Variants in LGR4 observed in about 807,000 individuals in gnomAD.
LGR4 encodes leucine rich repeat containing G protein-coupled receptor 4.
A neutral mutation model predicts 84.8 loss-of-function variants in LGR4; 44 were observed. The ratio of observed to expected loss-of-function variants is 0.52; its 90% CI spans 0.41 to 0.67. The LOEUF is 0.67. Among genes scored for constraint, LGR4 ranks in the 30% least tolerant of loss-of-function variants. The pLI, the probability that LGR4 is intolerant of heterozygous loss-of-function variation, is 0.00. For synonymous variants in LGR4, 429 were observed against 434.3 expected (o/e 0.99, Z 0.15); for missense variants, 1,032 against 1,131.4 (o/e 0.91, Z 1.26).
chr11:27,463,387 T>G (rs944757566), intron 1 of LGR4, among the ~76,000 whole-genome samples: 1 of 152,144 alleles, frequency 6.6e-6, no homozygotes, highest in African/African-American at 2.4e-5. Flanking sequence ...GTTTAAAAAC[T>G]AATCAAATGA....
intron 7 of LGR4, among the ~76,000 whole-genome samples, chr11:27,381,780 A>C (rs2061208129): frequency 6.6e-6 from 1 of 152,164 alleles, no homozygotes; most frequent in African/African-American, 2.4e-5. Flanking sequence ...AGTCTGGTCA[A>C]ACTCCTTCCT....
intron 1 of LGR4, among the ~76,000 whole-genome samples, chr11:27,426,913 G>A (rs909126335): frequency 6.6e-6 from 1 of 152,156 alleles, no homozygotes. Flanking sequence ...AATTTCCCCA[G>A]AAACAATGGT....
At chr11:27,372,154 C>T (rs1359741870) in intron 16 of LGR4, 129 bp downstream of exon 16, 6 of 679,978 alleles carry the variant, frequency 8.8e-6, no homozygotes, top group Non-Finnish European at 1.0e-5. Context: ...CATGAGCCAT[C>T]ACACCTGGCC....
intron 6 of LGR4, 26 bp from the exon 7 acceptor site, chr11:27,382,282 T>C (rs1863110299): frequency 6.9e-7 from 1 of 1,439,198 alleles, no homozygotes; most frequent in Non-Finnish European, 9.8e-7. Flanking sequence ...TGAAAATATA[T>C]CAAAATATTA....
intron 1 of LGR4, among the ~76,000 whole-genome samples, chr11:27,449,153 T>C (rs992846102): frequency 3.3e-5 from 5 of 152,194 alleles, no homozygotes; most frequent in Admixed American, 6.6e-5. Flanking sequence ...CCAGTATTTA[T>C]CAGCTGCTGT....
At position 27,454,133 on chromosome 11, in the gene LGR4, AC is replaced by A. The variant is rs1339413224; in HGVS notation, c.185+17984del. Among the ~76,000 whole-genome samples, 4 of 152,320 alleles carry A rather than the reference AC, an allele frequency of 2.6e-5. No individual in the cohort carries two copies. The East Asian group carries it at 7.7e-4, about 29-fold the overall frequency. On this transcript the variant is annotated intron_variant, in intron 1 of 17. Transcript: ENST00000379214. ...ATTTATTCCAGGCTTTTAGATAAAA[AC>A]TAAACTCTTTCAGCCAATTGCCAAT...
chr11:27,368,943 G>T lies in LGR4; in HGVS notation c.1780C>A (p.Leu594Ile). 20 of 1,614,060 alleles carry T rather than the reference G, an allele frequency of 1.2e-5. No homozygotes were observed. Among genetic ancestry groups the T allele is most frequent in the African/African-American group, 2.7e-5 (2 of 75,020 alleles). Residue 594 changes from leucine to isoleucine, a missense_variant, in exon 18 of 18, where the codon CTA becomes ATA. Leu to Ile is a conservative substitution (Grantham distance 5). Transcript: ENST00000379214. ...NLFMGIYTGI[L>I]TFLDAVSWGR... ...CAGGACACAGCATCAAGAAAAGTTA[G>T]GATGCCAGTATAGATTCCCATGAAT... is the stretch of plus-strand genomic sequence containing the variant.
chr11:27,467,775 C>T (rs1350746790), intron 1 of LGR4, among the ~76,000 whole-genome samples: 2 of 152,040 alleles, frequency 1.3e-5, no homozygotes, highest in East Asian at 1.9e-4. Flanking sequence ...ATTTTTTCCT[C>T]GCTTATATTT....
chr11:27,465,257 C>T (rs981486560), intron 1 of LGR4, among the ~76,000 whole-genome samples: 3 of 152,096 alleles, frequency 2.0e-5, no homozygotes, highest in Non-Finnish European at 4.4e-5. Flanking sequence ...TGACAGAAAG[C>T]TAAGAAGGAT....
intron 2 of LGR4, among the ~76,000 whole-genome samples, chr11:27,396,260 T>C (rs1175740969): frequency 6.6e-6 from 1 of 152,052 alleles, no homozygotes; most frequent in Non-Finnish European, 1.5e-5. Context: ...TGGGGCAGAG[T>C]GGACTTGAGC....
chr11:27,386,665 C>T (rs1340838884), intron 4 of LGR4, among the ~76,000 whole-genome samples: 12 of 152,078 alleles, frequency 7.9e-5, no homozygotes, highest in Admixed American at 7.9e-4. Context: ...GGCCCCTGGT[C>T]CCAATTAACT....
chr11:27,424,836 C>A (rs1308942842), intron 1 of LGR4, among the ~76,000 whole-genome samples: 1 of 152,170 alleles, frequency 6.6e-6, no homozygotes, highest in African/African-American at 2.4e-5. Flanking sequence ...GCAGCCTCTG[C>A]CTCCCGGTTC....
intron 1 of LGR4, among the ~76,000 whole-genome samples, chr11:27,442,393 C>A (rs745596862): frequency 1.3e-5 from 2 of 152,188 alleles, no homozygotes; most frequent in Non-Finnish European, 2.9e-5. Flanking sequence ...AACTTAGTCC[C>A]ATGCAGCTAC....
At chr11:27,411,385 T>C (rs563946982) in intron 2 of LGR4, among the ~76,000 whole-genome samples, 23 of 150,170 alleles carry the variant, frequency 1.5e-4, no homozygotes, top group Middle Eastern at 3.2e-3. Context: ...ATGTTCACTA[T>C]AAGAAAAAAA....
chr11:27,378,157 AC>A (rs1016556674), intron 11 of LGR4, among the ~76,000 whole-genome samples: 1 of 152,190 alleles, frequency 6.6e-6, no homozygotes, highest in African/African-American at 2.4e-5. Flanking sequence ...GTGTGACTTT[AC>A]TTGCTTAATC....
intron 1 of LGR4, among the ~76,000 whole-genome samples, chr11:27,442,245 C>T (rs1386843206): frequency 6.6e-6 from 1 of 152,144 alleles, no homozygotes; most frequent in Non-Finnish European, 1.5e-5. Context: ...AAGAGACTAG[C>T]AACCCAGCTC....
chr11:27,455,574 C>T (rs1043737273), intron 1 of LGR4, among the ~76,000 whole-genome samples: 5 of 152,218 alleles, frequency 3.3e-5, no homozygotes, highest in Non-Finnish European at 5.9e-5. Flanking sequence ...TTTAGATCCA[C>T]TGCATTAGAT....
chr11:27,399,219 CCTT>C (rs762818755), intron 2 of LGR4, among the ~76,000 whole-genome samples: 67 of 152,176 alleles, frequency 4.4e-4, no homozygotes, highest in African/African-American at 1.0e-3. Context: ...GCCTGGCCCT[CCTT>C]GTTTCTTTCT....
At chr11:27,468,016 A>C (rs1864811679) in intron 1 of LGR4, among the ~76,000 whole-genome samples, 1 of 152,168 alleles carries the variant, frequency 6.6e-6, no homozygotes, top group Non-Finnish European at 1.5e-5. Context: ...TACTGACCTG[A>C]CCTGCCAGGA....
Sources: allele counts gnomAD v4.1 joint callset (sites outside exome capture counted in the v4.1 genomes callset), GRCh38; gene constraint gnomAD v4.1.1; transcripts MANE v1.5; gene names NCBI Gene and HGNC (gene_info 2026-07-23, HGNC 2026-07-21).